Variants in SDCCAG8 observed in about 807,000 individuals in gnomAD.
The protein encoded by SDCCAG8 is serologically defined colon cancer antigen 8.
In SDCCAG8, 74 loss-of-function variants were observed where a neutral mutation model predicts 101.8. That is an observed-to-expected ratio of 0.73 (90% confidence interval 0.60 to 0.88). The LOEUF (loss-of-function observed/expected upper bound fraction) is 0.88. SDCCAG8 is among the 40% of genes least tolerant of loss of function. SDCCAG8 has a pLI of 0.00. For missense variants in SDCCAG8, 787 were observed against 822.6 expected, an observed-to-expected ratio of 0.96 and a Z score of 0.53; for synonymous variants, 281 against 292.9, an observed-to-expected ratio of 0.96 and a Z score of 0.41.
chr1:243,257,002 T>A (rs2066780837), intron 1 of SDCCAG8, among the ~76,000 whole-genome samples: 1 of 152,356 alleles, frequency 6.6e-6, no homozygotes, highest in Admixed American at 6.5e-5. Context: ...ATGTCTGTAC[T>A]TTTAGATGGC....
At chr1:243,452,502 A>C (rs902029883) in intron 16 of SDCCAG8, among the ~76,000 whole-genome samples, 14 of 137,532 alleles carry the variant, frequency 1.0e-4, no homozygotes, top group African/African-American at 3.8e-4. Flanking sequence ...AGCTTACTGC[A>C]GCCTCGAACT....
intron 9 of SDCCAG8, among the ~76,000 whole-genome samples, chr1:243,327,471 A>G (rs1198976032): frequency 7.9e-6 from 1 of 126,242 alleles, no homozygotes; most frequent in East Asian, 2.0e-4. Context: ...TTATAATTAT[A>G]ATTTTGTAGA....
chr1:243,372,744 C>T (rs1345553261), intron 12 of SDCCAG8, among the ~76,000 whole-genome samples: 1 of 151,032 alleles, frequency 6.6e-6, no homozygotes, highest in Non-Finnish European at 1.5e-5. Context: ...CCTATAATCC[C>T]AACACTTTGA....
At chr1:243,398,684 T>C (rs1321112966) in intron 13 of SDCCAG8, among the ~76,000 whole-genome samples, 3 of 152,174 alleles carry the variant, frequency 2.0e-5, no homozygotes, top group Non-Finnish European at 4.4e-5. Context: ...AACATAAAAC[T>C]CACTTGAACT....
intron 1 of SDCCAG8, among the ~76,000 whole-genome samples, chr1:243,259,628 T>A (rs181210152): frequency 4.9e-4 from 74 of 151,856 alleles, no homozygotes; most frequent in Admixed American, 2.3e-3. Flanking sequence ...GAGAACAGCC[T>A]GAGCAATATG....
intron 4 of SDCCAG8, among the ~76,000 whole-genome samples, chr1:243,276,399 T>A (rs2068577497): frequency 1.3e-5 from 2 of 152,230 alleles, no homozygotes; most frequent in Non-Finnish European, 2.9e-5. Context: ...GTAAATTTGA[T>A]ACATTTTAGT....
chr1:243,304,824 C>G (rs749248291), intron 7 of SDCCAG8, 47 bp downstream of exon 7: 2 of 1,080,638 alleles, frequency 1.9e-6, no homozygotes, highest in Admixed American at 3.4e-5. Context: ...GCATAATGAT[C>G]TTAAAATATA....
At chr1:243,468,546 G>T (rs1288142829) in intron 16 of SDCCAG8, among the ~76,000 whole-genome samples, 1 of 152,188 alleles carries the variant, frequency 6.6e-6, no homozygotes, top group African/African-American at 2.4e-5. Flanking sequence ...ATGCGGCCAG[G>T]TGCAATGGCT....
chr1:243,454,497 C>T (rs565907064), intron 16 of SDCCAG8, among the ~76,000 whole-genome samples: 2 of 152,154 alleles, frequency 1.3e-5, no homozygotes, highest in Middle Eastern at 3.4e-3. Flanking sequence ...CCACAGCCCC[C>T]GTGCACCACA....
rs60044857 is a variant in SDCCAG8, at chr1:243,439,622, TCACACA to T, written c.1985+13103_1985+13108del. On this transcript the variant is annotated intron_variant, in intron 16 of 17. Coordinates refer to ENST00000366541, the MANE Select transcript of SDCCAG8 (RefSeq NM_006642.5). ...CCTGGGCAACAAGAGTGAGACTCCA[TCACACA>T]CACACACACACACACACACACACAC... Among the ~76,000 whole-genome samples, 780 of 120,190 alleles carry T rather than the reference TCACACA, an allele frequency of 6.5e-3. 7 individuals carry two copies. Among genetic ancestry groups the T allele is most frequent in the African/African-American group, 0.021 (630 of 30,222 alleles). 78.8% of individuals were successfully genotyped at this position (120,190 alleles called of 152,430 possible).
chr1:243,318,360 T>C (rs2073447442), intron 9 of SDCCAG8: 1 of 154,930 alleles, frequency 6.5e-6, no homozygotes, highest in African/African-American at 2.4e-5. Context: ...CTTGAGGATA[T>C]AGGGTGGGAG....
chr1:243,443,100 C>T (rs1275973922), intron 16 of SDCCAG8, among the ~76,000 whole-genome samples: 2 of 151,898 alleles, frequency 1.3e-5, no homozygotes, highest in African/African-American at 2.4e-5. Context: ...AAAATAGTTC[C>T]CTCATTATCT....
At chr1:243,387,313 A>G (rs1040480150) in intron 13 of SDCCAG8, among the ~76,000 whole-genome samples, 11 of 152,108 alleles carry the variant, frequency 7.2e-5, no homozygotes, top group Non-Finnish European at 1.3e-4. Flanking sequence ...GAGGGGAACT[A>G]CTGCAGGAAG....
intron 13 of SDCCAG8, among the ~76,000 whole-genome samples, chr1:243,382,008 C>T (rs1002498926): frequency 6.6e-5 from 10 of 152,082 alleles, no homozygotes; most frequent in Middle Eastern, 3.2e-3. Context: ...AGTAAGAATT[C>T]TGAAAGTGGA....
At chr1:243,477,533 G>A (rs1223196223) in intron 16 of SDCCAG8, among the ~76,000 whole-genome samples, 2 of 152,208 alleles carry the variant, frequency 1.3e-5, no homozygotes, top group African/African-American at 2.4e-5. Flanking sequence ...GCCTTGGTTC[G>A]ATAGCACTTG....
intron 12 of SDCCAG8, among the ~76,000 whole-genome samples, chr1:243,361,805 T>C (rs2076726562): frequency 6.6e-6 from 1 of 152,240 alleles, no homozygotes; most frequent in Non-Finnish European, 1.5e-5. Flanking sequence ...CAGCACCTCA[T>C]TCCCCTCCTT....
intron 17 of SDCCAG8, among the ~76,000 whole-genome samples, chr1:243,496,014 A>T (rs1305594063): frequency 6.6e-6 from 1 of 152,242 alleles, no homozygotes; most frequent in Non-Finnish European, 1.5e-5. Flanking sequence ...AGAAAAAGAA[A>T]GAACCAGCTT....
At chr1:243,358,494 T>C (rs1452778919) in intron 12 of SDCCAG8, among the ~76,000 whole-genome samples, 1 of 152,042 alleles carries the variant, frequency 6.6e-6, no homozygotes, top group East Asian at 1.9e-4. Flanking sequence ...AAACTGGAAC[T>C]CCCCCATAAG....
At chr1:243,350,049 GCACTTGGA>G (rs1337511145) in intron 12 of SDCCAG8, among the ~76,000 whole-genome samples, 2 of 152,178 alleles carry the variant, frequency 1.3e-5, no homozygotes, top group Non-Finnish European at 2.9e-5. Context: ...CAGTGATTCA[GCACTTGGA>G]CACTGACATT....
Sources: allele counts gnomAD v4.1 joint callset (sites outside exome capture counted in the v4.1 genomes callset), GRCh38; gene constraint gnomAD v4.1.1; transcripts MANE v1.5; gene names NCBI Gene and HGNC (gene_info 2026-07-23, HGNC 2026-07-21).